Variants in PCCA observed in about 807,000 individuals in gnomAD.
PCCA encodes the protein propionyl-CoA carboxylase subunit alpha, also known as propionyl-CoA carboxylase alpha chain, mitochondrial.
Under a neutral mutation model 101.3 loss-of-function variants are expected in PCCA, and 74 were observed. The ratio of observed to expected loss-of-function variants is 0.73; its 90% CI spans 0.61 to 0.89. The LOEUF is 0.89. Ranked by LOEUF, PCCA falls within the 40% of genes least tolerant of loss-of-function variation. PCCA has a pLI of 0.00. For synonymous variants in PCCA, 294 were observed against 313.6 expected (o/e 0.94, Z 0.66); for missense variants, 891 against 907.0 (o/e 0.98, Z 0.23).
At chr13:100,516,736 C>CGTGTCT (rs2086850035) in intron 22 of PCCA, among the ~76,000 whole-genome samples, 1 of 144,972 alleles carries the variant, frequency 6.9e-6, no homozygotes, top group African/African-American at 2.5e-5. Context: ...AGAAAAATTA[C>CGTGTCT]GTGTGTGTGT....
intron 20 of PCCA, among the ~76,000 whole-genome samples, chr13:100,440,200 ATATATATAT>A (rs1566308491): frequency 1.4e-4 from 15 of 110,218 alleles, no homozygotes; most frequent in East Asian, 6.0e-4. Flanking sequence ...ATATATATAT[ATATATATAT>A]AAAACGTGAT....
At chr13:100,173,833 G>C (rs1050319599) in intron 6 of PCCA, among the ~76,000 whole-genome samples, 1 of 152,276 alleles carries the variant, frequency 6.6e-6, no homozygotes, top group East Asian at 1.9e-4. Flanking sequence ...TTGTGATAGT[G>C]AATCAGTTTC....
intron 8 of PCCA, among the ~76,000 whole-genome samples, chr13:100,247,007 C>G (rs1175488623): frequency 6.6e-6 from 1 of 151,248 alleles, no homozygotes; most frequent in Admixed American, 6.6e-5. Context: ...CTCCCGGGTT[C>G]AAGTGATTCT....
intron 7 of PCCA, among the ~76,000 whole-genome samples, chr13:100,223,621 AG>A (rs1473210388): frequency 6.6e-6 from 1 of 152,116 alleles, no homozygotes; most frequent in African/African-American, 2.4e-5. Context: ...ACAGTGTGGA[AG>A]GGGACCCGAG....
chr13:100,268,892 C>T, intron 11 of PCCA, 109 bp downstream of exon 11: 1 of 838,578 alleles, frequency 1.2e-6, no homozygotes, highest in Non-Finnish European at 2.0e-6. Context: ...GGGTCTCACT[C>T]TGTTGCCCAG....
rs181708822 is a variant in PCCA, at chr13:100,440,214, C to T, written c.1846-9038C>T. Among the ~76,000 whole-genome samples the T allele has an allele frequency of 1.9e-3, 197 of 103,156 alleles. 3 individuals carry two copies. In the Admixed American group the frequency reaches 0.02, roughly 11 times the overall value. 67.7% of individuals were successfully genotyped at this position (103,156 alleles called of 152,430 possible). ...TATATATATATATATATATATAAAA[C>T]GTGATAACTTAAAATGCCCAGTGGG... On this transcript the variant is annotated intron_variant, in intron 20 of 23. Coordinates refer to ENST00000376285, the MANE Select transcript of PCCA (RefSeq NM_000282.4).
At chr13:100,514,062 C>T (rs915563081) in intron 21 of PCCA, among the ~76,000 whole-genome samples, 7 of 152,318 alleles carry the variant, frequency 4.6e-5, no homozygotes, top group Middle Eastern at 3.4e-3. Flanking sequence ...GCACTCTCCT[C>T]GCTTTTTCCC....
chr13:100,108,169 A>C (rs554728378), intron 2 of PCCA, among the ~76,000 whole-genome samples: 1 of 152,306 alleles, frequency 6.6e-6, no homozygotes, highest in East Asian at 1.9e-4. Context: ...GGAAAGGAAG[A>C]AGGAGGGATA....
chr13:100,304,503 G>A (rs888030073), intron 14 of PCCA, among the ~76,000 whole-genome samples: 4 of 152,180 alleles, frequency 2.6e-5, no homozygotes, highest in East Asian at 3.9e-4. Flanking sequence ...TCCCTTGGAA[G>A]CATTTAATCA....
At chr13:100,411,340 C>G (rs1434635963) in intron 19 of PCCA, among the ~76,000 whole-genome samples, 1 of 151,866 alleles carries the variant, frequency 6.6e-6, no homozygotes, top group African/African-American at 2.4e-5. Context: ...ATTCTCATGC[C>G]TCAGCCTCCC....
intron 21 of PCCA, among the ~76,000 whole-genome samples, chr13:100,488,644 GTTT>G (rs1186017014): frequency 1.5e-5 from 1 of 64,890 alleles, no homozygotes; most frequent in Non-Finnish European, 3.1e-5. Context: ...TTTTTTTTTT[GTTT>G]TTTTTTTTTA....
chr13:100,370,521 A>G (rs1350274723), intron 19 of PCCA, among the ~76,000 whole-genome samples: 1 of 152,160 alleles, frequency 6.6e-6, no homozygotes, highest in Non-Finnish European at 1.5e-5. Flanking sequence ...TTTAAAACAC[A>G]TCAAAATTAG....
At chr13:100,188,872 C>T (rs1010483807) in intron 6 of PCCA, among the ~76,000 whole-genome samples, 2 of 151,574 alleles carry the variant, frequency 1.3e-5, no homozygotes, top group Non-Finnish European at 2.9e-5. Context: ...ATTGTCTGTA[C>T]ATGTCCTTAG....
chr13:100,159,036 A>G (rs889586652), intron 6 of PCCA, among the ~76,000 whole-genome samples: 14 of 146,918 alleles, frequency 9.5e-5, no homozygotes, highest in African/African-American at 3.5e-4. Flanking sequence ...ATTATATATA[A>G]TATTATATAC....
rs912487518 is a variant in PCCA, at chr13:100,194,411, A to AATT, written c.469-14902_469-14900dup. Among the ~76,000 whole-genome samples, 64 of 151,936 alleles carry AATT rather than the reference A, an allele frequency of 4.2e-4. 1 individual carries two copies. The highest frequency in any genetic ancestry group is 1.3e-3 in the African/African-American group (55 of 41,480). ...TACAAAGCCAATTAAAAAGTTGTAAAATTATTATTATTATTATTATTTTTG... is the reference window on the plus strand; with the variant it reads ...TACAAAGCCAATTAAAAAGTTGTAAAATTATTATTATTATTATTATTATTTTTG... On this transcript the variant is annotated intron_variant, in intron 6 of 23. Transcript: ENST00000376285.
intron 21 of PCCA, among the ~76,000 whole-genome samples, chr13:100,499,371 T>C (rs1042173014): frequency 6.6e-6 from 1 of 152,218 alleles, no homozygotes; most frequent in Non-Finnish European, 1.5e-5. Flanking sequence ...TGTAAGAGAT[T>C]AGTGAAATAT....
chr13:100,186,268 C>T (rs1422588273), intron 6 of PCCA, among the ~76,000 whole-genome samples: 1 of 152,030 alleles, frequency 6.6e-6, no homozygotes, highest in East Asian at 1.9e-4. Flanking sequence ...CTGGATATGG[C>T]GTTTGAAACA....
intron 6 of PCCA, among the ~76,000 whole-genome samples, chr13:100,206,781 C>G (rs1442058220): frequency 6.6e-6 from 1 of 152,100 alleles, no homozygotes; most frequent in African/African-American, 2.4e-5. Context: ...GTCCTAAGAC[C>G]TAGGAGGGAC....
chr13:100,089,548 CG>C (rs1321893346), intron 1 of PCCA, among the ~76,000 whole-genome samples: 1 of 152,164 alleles, frequency 6.6e-6, no homozygotes, highest in Non-Finnish European at 1.5e-5. Context: ...TCCAGGGCCC[CG>C]CGGCATTGGC....
Sources: gnomAD v4.1 joint callset for allele counts (sites outside exome capture counted in the v4.1 genomes callset) on GRCh38, gnomAD v4.1.1 for gene constraint, MANE v1.5 for transcripts, NCBI Gene and HGNC (gene_info 2026-07-23, HGNC 2026-07-21) for gene names.